The following PHACTR4 variants were observed in gnomAD, a reference collection of about 807,000 sequenced individuals.
PHACTR4 encodes protein phosphatase 1, regulatory subunit 124.
A neutral mutation model predicts 72.7 loss-of-function variants in PHACTR4; 51 were observed. The ratio of observed to expected loss-of-function variants is 0.70; its 90% CI spans 0.56 to 0.89. The LOEUF (loss-of-function observed/expected upper bound fraction) is 0.89, where lower values mean the gene tolerates loss of function less well. Among genes scored for constraint, PHACTR4 ranks in the 40% least tolerant of loss-of-function variants. The pLI, the probability that PHACTR4 is intolerant of heterozygous loss-of-function variation, is 0.00. For synonymous variants in PHACTR4, 255 were observed against 302.5 expected (o/e 0.84, Z 1.63); for missense variants, 731 against 861.8 (o/e 0.85, Z 1.90).
intron 13 of PHACTR4, among the ~76,000 whole-genome samples, chr1:28,495,385 A>T (rs1283632742): frequency 6.6e-6 from 1 of 151,644 alleles, no homozygotes; most frequent in East Asian, 2.0e-4. Context: ...TGGGATTACA[A>T]GTGTGAGCCA....
chr1:28,438,503 T>A, intron 2 of PHACTR4: 1 of 1,521,236 alleles, frequency 6.6e-7, no homozygotes, highest in Admixed American at 1.8e-5. Flanking sequence ...ACTTGAGTAT[T>A]TATGTGAAGT....
At chr1:28,418,387 A>G (rs576361030) in intron 2 of PHACTR4, among the ~76,000 whole-genome samples, 5 of 151,924 alleles carry the variant, frequency 3.3e-5, no homozygotes, top group Admixed American at 1.3e-4. Context: ...AGGCTGAGGC[A>G]GGAGAAACAT....
rs778065671 is a variant in PHACTR4, at chr1:28,474,059, G to A, written c.1329G>A (p.Ser443=). Residue 443 remains serine (S), a synonymous_variant, in exon 7 of 14, where the codon TCG becomes TCA. Transcript: ENST00000373839. ...PILEGSHRAH[S]LLFENSDSFS... Reference sequence around the variant, plus strand: ...TGGAGGGTTCTCACAGAGCTCATTCGTTGCTTTTTGAAAACAGTGACAGCT... The same window carrying A: ...TGGAGGGTTCTCACAGAGCTCATTCATTGCTTTTTGAAAACAGTGACAGCT... The A allele has an allele frequency of 1.2e-5, 19 of 1,614,100 alleles. No homozygotes were observed. Among genetic ancestry groups the A allele is most frequent in the African/African-American group, 9.3e-5 (7 of 74,934 alleles).
chr1:28,408,435 G>A (rs1654520879), intron 2 of PHACTR4, among the ~76,000 whole-genome samples: 1 of 152,134 alleles, frequency 6.6e-6, no homozygotes, highest in African/African-American at 2.4e-5. Context: ...GTGGGTGCCT[G>A]TAATCTCAGC....
intron 1 of PHACTR4, among the ~76,000 whole-genome samples, chr1:28,403,228 A>T (rs553996616): frequency 6.6e-6 from 1 of 152,324 alleles, no homozygotes; most frequent in East Asian, 1.9e-4. Flanking sequence ...GTATTTGGCC[A>T]TAGGGAGAAG....
chr1:28,387,050 CAA>C lies in PHACTR4; in HGVS notation c.-39+17226_-39+17227del, dbSNP rs145289770. On this transcript the variant is annotated intron_variant, in intron 1 of 13. Coordinates refer to ENST00000373839, the MANE Select transcript of PHACTR4 (RefSeq NM_001048183.3). ...GGTTGAGGCAGGTGGATCACGAGGT[CAA>C]GAGATCGAGACAACCCTGGCCAACA... 1.8e-3 allele frequency among the ~76,000 whole-genome samples: 267 copies of C among 151,958 alleles called. 9 individuals carry two copies. In the East Asian group the frequency reaches 0.04, roughly 23 times the overall value.
intron 4 of PHACTR4, among the ~76,000 whole-genome samples, chr1:28,461,949 C>T (rs1401794544): frequency 1.3e-5 from 2 of 151,154 alleles, no homozygotes; most frequent in African/African-American, 2.4e-5. Flanking sequence ...AAAATCTTCT[C>T]AGTATTTAGG....
chr1:28,378,570 C>G (rs1048910053), intron 1 of PHACTR4, among the ~76,000 whole-genome samples: 3 of 53,964 alleles, frequency 5.6e-5, no homozygotes, highest in African/African-American at 1.7e-4. Context: ...CTCCCCCCAG[C>G]CCCCCCCCCC....
intron 1 of PHACTR4, among the ~76,000 whole-genome samples, chr1:28,385,262 G>A (rs949448627): frequency 2.0e-5 from 3 of 151,906 alleles, no homozygotes; most frequent in African/African-American, 7.3e-5. Context: ...AGTCATTCAG[G>A]GCCAGTAACA....
At chr1:28,396,845 C>CTTTTTTTTTTTT (rs60578939) in intron 1 of PHACTR4, among the ~76,000 whole-genome samples, 70 of 119,642 alleles carry the variant, frequency 5.9e-4, no homozygotes, top group South Asian at 1.1e-3. Flanking sequence ...TTCTTTCTTT[C>CTTTTTTTTTTTT]TTTTTTTTTT....
At chr1:28,438,967 G>C (rs1027466217) in intron 2 of PHACTR4, among the ~76,000 whole-genome samples, 7 of 152,134 alleles carry the variant, frequency 4.6e-5, no homozygotes, top group African/African-American at 1.7e-4. Flanking sequence ...TCTGAAGTTA[G>C]TACTTTACAT....
intron 2 of PHACTR4, among the ~76,000 whole-genome samples, chr1:28,451,807 A>AT (rs35473752): frequency 0.093 from 13,637 of 146,474 alleles, 1,277 homozygotes; most frequent in African/African-American, 0.25. Context: ...CACTTGGCTA[A>AT]TTTTTTTTTT....
At chr1:28,375,628 G>C (rs890052978) in intron 1 of PHACTR4, among the ~76,000 whole-genome samples, 7 of 152,172 alleles carry the variant, frequency 4.6e-5, no homozygotes, top group African/African-American at 1.7e-4. Flanking sequence ...TGAGGCTGCA[G>C]TGAGCTATGA....
chr1:28,442,219 C>A (rs1317992294), intron 2 of PHACTR4, among the ~76,000 whole-genome samples: 1 of 151,966 alleles, frequency 6.6e-6, no homozygotes, highest in East Asian at 1.9e-4. Context: ...GTAATCCCAG[C>A]ACTTTGGGAG....
chr1:28,440,325 A>C (rs1424636453), intron 2 of PHACTR4, among the ~76,000 whole-genome samples: 16 of 149,306 alleles, frequency 1.1e-4, no homozygotes, highest in Non-Finnish European at 2.4e-4. Context: ...AAAAAAAAAA[A>C]AAGTTCATCT....
chr1:28,383,800 A>G (rs1287346083), intron 1 of PHACTR4, among the ~76,000 whole-genome samples: 1 of 152,152 alleles, frequency 6.6e-6, no homozygotes, highest in Non-Finnish European at 1.5e-5. Context: ...TCTACAGACA[A>G]AGATAGTTTG....
intron 2 of PHACTR4, among the ~76,000 whole-genome samples, chr1:28,458,174 C>T (rs939407509): frequency 6.6e-6 from 1 of 150,644 alleles, no homozygotes; most frequent in African/African-American, 2.4e-5. Flanking sequence ...CAGGCTCTCA[C>T]TCTGTTGCCC....
intron 1 of PHACTR4, among the ~76,000 whole-genome samples, chr1:28,370,165 C>T (rs986094792): frequency 6.6e-6 from 1 of 151,972 alleles, no homozygotes; most frequent in Non-Finnish European, 1.5e-5. Flanking sequence ...GGAGCCTGTT[C>T]CCCCGGTCCC....
chr1:28,488,429 G>A (rs915684899), intron 9 of PHACTR4, among the ~76,000 whole-genome samples: 3 of 152,238 alleles, frequency 2.0e-5, no homozygotes, highest in Admixed American at 6.5e-5. Flanking sequence ...CCCGGGAGGC[G>A]GAGCTTGTAG....
Sources: allele counts gnomAD v4.1 joint callset (sites outside exome capture counted in the v4.1 genomes callset), GRCh38; gene constraint gnomAD v4.1.1; transcripts MANE v1.5; gene names NCBI Gene and HGNC (gene_info 2026-07-23, HGNC 2026-07-21).